PPP6R2: variants seen among roughly 807,000 people sequenced by gnomAD.
PPP6R2 encodes the protein serine/threonine-protein phosphatase 6 regulatory subunit 2.
Under a neutral mutation model 100.2 loss-of-function variants are expected in PPP6R2, and 62 were observed. That is an observed-to-expected ratio of 0.62 (90% CI 0.50 to 0.76). The LOEUF is 0.76. PPP6R2 is among the 30% of genes least tolerant of loss of function. PPP6R2 has a pLI of 0.00. For missense variants in PPP6R2, 1,142 were observed against 1,276.3 expected (o/e 0.89, Z 1.60); for synonymous variants, 525 against 514.7 (o/e 1.02, Z -0.27).
chr22:50,394,549 T>C (rs1398963098), intron 3 of PPP6R2, among the ~76,000 whole-genome samples: 1 of 139,862 alleles, frequency 7.1e-6, no homozygotes, highest in African/African-American at 2.7e-5. Flanking sequence ...CAGTGAGCCA[T>C]GATTGTGCCA....
intron 1 of PPP6R2, among the ~76,000 whole-genome samples, chr22:50,351,073 T>A (rs2045093489): frequency 8.2e-6 from 1 of 122,272 alleles, no homozygotes; most frequent in African/African-American, 3.2e-5. Flanking sequence ...AGAGTTTCAC[T>A]CTTGTTGCCC....
At position 50,406,670 on chromosome 22, in the gene PPP6R2, T is replaced by C; in HGVS notation, c.228-19T>C. ...AGAAGTCTAATTTCACCTCCAGTGCTTGGACTGTGCCCTTTTAGATATCCA... is the reference window on the plus strand; with the variant it reads ...AGAAGTCTAATTTCACCTCCAGTGCCTGGACTGTGCCCTTTTAGATATCCA... On this transcript the variant is annotated intron_variant, in intron 3 of 23. Transcript: ENST00000612753. 6.2e-7 allele frequency: 1 copy of C among 1,608,082 alleles called. No homozygotes were observed. The highest frequency in any genetic ancestry group is 8.5e-7 in the Non-Finnish European group (1 of 1,177,038).
Position 50,419,469 on chromosome 22 carries a change from C to T in PPP6R2, c.845+7C>T. On this transcript the variant is annotated splice_region_variant and intron_variant, in intron 8 of 23. Transcript: ENST00000612753. ...TGGAAACCAGGCGGGTTGGGTGAGT[C>T]TCACGAGGAGAAATCGTGTAGAGCT... The T allele has an allele frequency of 6.2e-7, 1 of 1,604,000 alleles. No individual in the cohort carries two copies. Among genetic ancestry groups the T allele is most frequent in the Non-Finnish European group, 8.5e-7 (1 of 1,171,164 alleles).
chr22:50,436,710 C>T (rs886967877), intron 14 of PPP6R2, among the ~76,000 whole-genome samples: 10 of 152,312 alleles, frequency 6.6e-5, no homozygotes, highest in Admixed American at 3.9e-4. Flanking sequence ...AGGTCCCTTT[C>T]CTCCCACTCC....
chr22:50,338,995 T>C (rs1452072034), upstream of PPP6R2, among the ~76,000 whole-genome samples: 1 of 123,986 alleles, frequency 8.1e-6, no homozygotes, highest in African/African-American at 3.6e-5. Flanking sequence ...GTATGTAGTA[T>C]GTGTGGTATG....
intron 4 of PPP6R2, among the ~76,000 whole-genome samples, chr22:50,409,444 T>G (rs1013073389): frequency 2.0e-5 from 3 of 152,152 alleles, no homozygotes; most frequent in African/African-American, 7.2e-5. Flanking sequence ...TGATGATTTT[T>G]TTGAGGCAGA....
chr22:50,438,693 GCACCTGGGGCAGGTGCCC>G lies in PPP6R2; in HGVS notation c.2064_2081del (p.Gly689_Pro694del). The stretch of plus-strand genomic sequence containing the variant: ...GGCGAGCTTGGAAGCACACAGAGAT[GCACCTGGGGCAGGTGCCC>G]CACCGGCCCCCGGGAAGAAGGAAGC... On this transcript the variant is annotated inframe_deletion, in exon 19 of 24. Transcript: ENST00000612753. 4 of 1,613,910 alleles carry G rather than the reference GCACCTGGGGCAGGTGCCC, an allele frequency of 2.5e-6. No homozygotes were observed. The highest frequency in any genetic ancestry group is 8.5e-7 in the Non-Finnish European group (1 of 1,179,966).
intron 22 of PPP6R2, among the ~76,000 whole-genome samples, chr22:50,441,684 G>C (rs938118441): frequency 6.6e-6 from 1 of 152,160 alleles, no homozygotes. Flanking sequence ...GCCATCCCTG[G>C]GGAGAGAGTG....
In PPP6R2 at chr22:50,439,427, T is replaced by C. The variant is rs566799215; in HGVS notation, c.2129-274T>C. ...GGGCAGTGGCATCACCTCCACACTG[T>C]CAGTGTCAGTCCTGCTGGAGGCCTG... On this transcript the variant is annotated intron_variant, in intron 19 of 23. Coordinates refer to ENST00000612753, the MANE Select transcript of PPP6R2 (RefSeq NM_001242898.2). Among the ~76,000 whole-genome samples the C allele has an allele frequency of 2.0e-5, 3 of 152,198 alleles. No individual in the cohort carries two copies. In the South Asian group the frequency reaches 6.2e-4, roughly 32 times the overall value.
intron 1 of PPP6R2, among the ~76,000 whole-genome samples, chr22:50,360,026 G>A (rs1249398766): frequency 6.9e-6 from 1 of 145,720 alleles, no homozygotes; most frequent in African/African-American, 2.5e-5. Context: ...CAGAATTCTA[G>A]GTTAACAGCT....
intron 1 of PPP6R2, among the ~76,000 whole-genome samples, chr22:50,351,026 GTTTTTTTT>G (rs1195469509): frequency 1.2e-5 from 1 of 80,750 alleles, no homozygotes; most frequent in Non-Finnish European, 2.3e-5. Context: ...TCTCAACAGT[GTTTTTTTT>G]TTTTTTTTTT....
At position 50,389,964 on chromosome 22, in the gene PPP6R2, GA is replaced by G. The variant is rs1280500731; in HGVS notation, c.-16-3928del. 6.0e-5 allele frequency among the ~76,000 whole-genome samples: 9 copies of G among 150,974 alleles called. No homozygotes were observed. In the Admixed American group the frequency reaches 6.0e-4, roughly 10 times the overall value. ...AACATAGAAATGTTCTTGTTATGCG[GA>G]GATTTTTTTCTTTTTTCTTTTTCTT... On this transcript the variant is annotated intron_variant, in intron 2 of 23. Transcript: ENST00000612753.
intron 2 of PPP6R2, among the ~76,000 whole-genome samples, chr22:50,383,244 G>A (rs1011002200): frequency 3.9e-5 from 6 of 152,194 alleles, no homozygotes; most frequent in Non-Finnish European, 5.9e-5. Flanking sequence ...AGATGTTGGT[G>A]TTTTTATATT....
chr22:50,438,014 G>A, intron 17 of PPP6R2, 114 bp downstream of exon 17: 2 of 1,506,540 alleles, frequency 1.3e-6, no homozygotes, highest in South Asian at 1.2e-5. Flanking sequence ...AGGCCCCTCT[G>A]TGGAGCTCGG....
At chr22:50,429,433 C>T (rs1209082096) in intron 10 of PPP6R2, among the ~76,000 whole-genome samples, 1 of 152,158 alleles carries the variant, frequency 6.6e-6, no homozygotes, top group Admixed American at 6.5e-5. Flanking sequence ...TTTCATACGT[C>T]GATCCATCCT....
intron 6 of PPP6R2, among the ~76,000 whole-genome samples, chr22:50,418,582 T>C (rs1205892912): frequency 6.6e-6 from 1 of 152,046 alleles, no homozygotes; most frequent in Admixed American, 6.6e-5. Flanking sequence ...GAGATGGGGT[T>C]TCACCGTGTT....
chr22:50,414,407 G>T, intron 4 of PPP6R2, 145 bp from the exon 5 acceptor site: 1 of 717,846 alleles, frequency 1.4e-6, no homozygotes. Flanking sequence ...CCTTGAGGGG[G>T]CTTTCTTACA....
intron 1 of PPP6R2, among the ~76,000 whole-genome samples, chr22:50,349,678 T>C (rs1360391036): frequency 6.7e-6 from 1 of 149,972 alleles, no homozygotes; most frequent in Non-Finnish European, 1.5e-5. Context: ...ATACAAAAAA[T>C]TAGCCAGGCG....
At chr22:50,440,732 G>C in intron 21 of PPP6R2, 90 bp from the exon 22 acceptor site, 1 of 1,419,696 alleles carries the variant, frequency 7.0e-7, no homozygotes, top group Middle Eastern at 2.5e-4. Flanking sequence ...CATGTGAGAG[G>C]GCCACATGTA....
Sources: allele counts gnomAD v4.1 joint callset (sites outside exome capture counted in the v4.1 genomes callset), GRCh38; gene constraint gnomAD v4.1.1; transcripts MANE v1.5; gene names NCBI Gene and HGNC (gene_info 2026-07-23, HGNC 2026-07-21).